Variants in C14orf132 observed in about 807,000 individuals in gnomAD.
C14orf132 encodes chromosome 14 open reading frame 132, also known as uncharacterized protein C14orf132.
C14orf132 carries 6 observed loss-of-function variants against 5.8 expected under a neutral mutation model. The observed-to-expected ratio is 1.03, with a 90% CI of 0.57 to 2.04. C14orf132 has a LOEUF of 2.04. Among genes scored for constraint, C14orf132 ranks in the 30% most tolerant of loss-of-function variants. The probability of loss-of-function intolerance (pLI) is 0.00; values close to 1 mark genes in which losing one functional copy is unlikely to be tolerated. For synonymous variants in C14orf132, 51 were observed against 49.8 expected (o/e 1.02, Z -0.10); for missense variants, 125 against 115.8 (o/e 1.08, Z -0.37).
At chr14:96,069,866 G>A (rs1887653192) in intron 1 of C14orf132, among the ~76,000 whole-genome samples, 1 of 152,190 alleles carries the variant, frequency 6.6e-6, no homozygotes, top group African/African-American at 2.4e-5. Context: ...TATTTTTACA[G>A]CCTGGAAGTT....
chr14:96,053,374 G>A (rs186892023), intron 1 of C14orf132, among the ~76,000 whole-genome samples: 60 of 152,320 alleles, frequency 3.9e-4, no homozygotes, highest in African/African-American at 1.4e-3. Flanking sequence ...CTTATGAAAG[G>A]TGACCAAGGA....
intron 1 of C14orf132, among the ~76,000 whole-genome samples, chr14:96,069,168 C>CATATATACATGTATATATATATAT (rs1566830869): frequency 4.8e-5 from 3 of 62,818 alleles, no homozygotes; most frequent in African/African-American, 1.5e-4. Flanking sequence ...TAAATCTCTT[C>CATATATACATGTATATATATATAT]ATATATATAT....
intron 1 of C14orf132, among the ~76,000 whole-genome samples, chr14:96,049,762 ATT>A (rs775639023): frequency 1.5e-4 from 19 of 122,618 alleles, no homozygotes; most frequent in Non-Finnish European, 2.2e-4. Context: ...TAGTCTCTTC[ATT>A]TTTTTTTTTT....
chr14:96,064,999 T>G (rs1389347153), intron 1 of C14orf132, among the ~76,000 whole-genome samples: 1 of 152,190 alleles, frequency 6.6e-6, no homozygotes, highest in African/African-American at 2.4e-5. Flanking sequence ...TCTCTGGCCC[T>G]GTTTTCTTCC....
chr14:96,068,404 G>C (rs1256395195), intron 1 of C14orf132, among the ~76,000 whole-genome samples: 1 of 152,164 alleles, frequency 6.6e-6, no homozygotes, highest in East Asian at 1.9e-4. Context: ...TAGGCGGGGT[G>C]CTCCGTGCCC....
At chr14:96,065,339 T>C (rs921361791) in intron 1 of C14orf132, among the ~76,000 whole-genome samples, 2 of 152,126 alleles carry the variant, frequency 1.3e-5, no homozygotes, top group African/African-American at 2.4e-5. Context: ...ATCTGGCCTT[T>C]TGTTGCTGTT....
chr14:96,039,693 C>T lies in C14orf132; in HGVS notation c.27+166C>T, dbSNP rs1287207183. ...CCCCACTTGGTGCACGCGTCGGGGG[C>T]GGCGATCGCGGCTCTCCCGGGGTGG... On this transcript the variant is annotated intron_variant, in intron 1 of 1. Coordinates refer to ENST00000555004, the MANE Select transcript of C14orf132 (RefSeq NM_001252507.3). The surrounding 1 kb of genome is among the most constrained non-coding windows in gnomAD (Gnocchi z 5.3). 6.6e-6 allele frequency among the ~76,000 whole-genome samples: 1 copy of T among 152,032 alleles called. No homozygotes were observed. Among genetic ancestry groups the T allele is most frequent in the Non-Finnish European group, 1.5e-5 (1 of 67,980 alleles).
chr14:96,057,897 G>A (rs1887227758), intron 1 of C14orf132, among the ~76,000 whole-genome samples: 1 of 152,122 alleles, frequency 6.6e-6, no homozygotes, highest in Non-Finnish European at 1.5e-5. Flanking sequence ...CTGTCGCGGA[G>A]GTTGGAGAAG....
intron 1 of C14orf132, among the ~76,000 whole-genome samples, chr14:96,043,364 G>C (rs1264413873): frequency 1.3e-5 from 2 of 152,160 alleles, no homozygotes; most frequent in Non-Finnish European, 2.9e-5. Context: ...CACTCATTAT[G>C]GGGGAATGGG....
At chr14:96,081,078 C>A (rs1269544066) in intron 1 of C14orf132, among the ~76,000 whole-genome samples, 3 of 152,194 alleles carry the variant, frequency 2.0e-5, no homozygotes, top group Non-Finnish European at 4.4e-5. Context: ...AATCAGTCTG[C>A]TTTGTCCCAT....
In C14orf132 at chr14:96,049,076, C is replaced by A. The variant is rs553739424; in HGVS notation, c.27+9549C>A. On this transcript the variant is annotated intron_variant, in intron 1 of 1. Transcript: ENST00000555004. The stretch of plus-strand genomic sequence containing the variant: ...AGTAGCTGGGATTTCAGGTGCCCAC[C>A]ACTGTATCCAGCTAATTTTTTGTAT... Among the ~76,000 whole-genome samples the A allele has an allele frequency of 2.0e-5, 3 of 152,146 alleles. No homozygotes were observed. In the South Asian group the frequency reaches 6.2e-4, roughly 32 times the overall value.
intron 1 of C14orf132, among the ~76,000 whole-genome samples, chr14:96,076,343 T>C (rs1887865717): frequency 6.6e-6 from 1 of 152,238 alleles, no homozygotes; most frequent in Non-Finnish European, 1.5e-5. Flanking sequence ...AGGTTTATCA[T>C]TGTTATTGAT....
chr14:96,052,389 C>A (rs1186883786), intron 1 of C14orf132, among the ~76,000 whole-genome samples: 1 of 152,214 alleles, frequency 6.6e-6, no homozygotes, highest in South Asian at 2.1e-4. Flanking sequence ...TTGCTCCCCC[C>A]GGGAGAGGCT....
intron 1 of C14orf132, among the ~76,000 whole-genome samples, chr14:96,059,883 G>A (rs973433534): frequency 1.3e-5 from 2 of 152,166 alleles, no homozygotes; most frequent in Non-Finnish European, 2.9e-5. Context: ...CCAGGTCCTT[G>A]GGCCAACTGT....
At chr14:96,072,896 G>A (rs35230763) in intron 1 of C14orf132, among the ~76,000 whole-genome samples, 8,254 of 152,292 alleles carry the variant, frequency 0.054, 216 homozygotes, top group African/African-American at 0.068. Context: ...AGTCATTCGC[G>A]TTGTTTCCAG....
rs543698406 is a variant in C14orf132 at position 96,039,685 on chromosome 14, G to A, written c.27+158G>A. Among the ~76,000 whole-genome samples the A allele has an allele frequency of 6.6e-6, 1 of 152,210 alleles. No individual in the cohort carries two copies. Among genetic ancestry groups the A allele is most frequent in the East Asian group, 2.0e-4 (1 of 5,126 alleles). On this transcript the variant is annotated intron_variant, in intron 1 of 1. Coordinates refer to ENST00000555004, the MANE Select transcript of C14orf132 (RefSeq NM_001252507.3). The surrounding 1 kb of genome is among the most constrained non-coding windows in gnomAD (Gnocchi z 5.3). ...CCGGACACCCCCACTTGGTGCACGC[G>A]TCGGGGGCGGCGATCGCGGCTCTCC...
intron 1 of C14orf132, among the ~76,000 whole-genome samples, chr14:96,043,782 C>G (rs1427281154): frequency 1.3e-5 from 2 of 152,186 alleles, no homozygotes; most frequent in East Asian, 3.9e-4. Flanking sequence ...CCATTAAAAA[C>G]TCATGTGGTC....
At chr14:96,065,478 A>C (rs1887504221) in intron 1 of C14orf132, among the ~76,000 whole-genome samples, 1 of 151,926 alleles carries the variant, frequency 6.6e-6, no homozygotes, top group Admixed American at 6.6e-5. Flanking sequence ...CCGCCGCTTC[A>C]CTCCAGTATG....
intron 1 of C14orf132, among the ~76,000 whole-genome samples, chr14:96,059,659 G>A (rs935143330): frequency 2.0e-5 from 3 of 152,170 alleles, no homozygotes; most frequent in African/African-American, 7.2e-5. Flanking sequence ...GCTGGGTTGG[G>A]TATTTCTTGA....
Sources: gnomAD v4.1 joint callset for allele counts (sites outside exome capture counted in the v4.1 genomes callset) on GRCh38, gnomAD v4.1.1 for gene constraint, Gnocchi (gnomAD v3.1) non-coding constraint, MANE v1.5 for transcripts, NCBI Gene and HGNC (gene_info 2026-07-23, HGNC 2026-07-21) for gene names.